The following USP5 variants were observed in gnomAD, a reference collection of about 807,000 sequenced individuals.
USP5 encodes ubiquitin carboxyl-terminal hydrolase 5.
Under a neutral mutation model 102.5 loss-of-function variants are expected in USP5, and 24 were observed. That is an observed-to-expected ratio of 0.23 (90% CI 0.17 to 0.33). The LOEUF is 0.33. Among genes scored for constraint, USP5 ranks in the 10% least tolerant of loss-of-function variants. The pLI is 1.00. For missense variants in USP5, 753 were observed against 1,122.1 expected (o/e 0.67, Z 4.70); for synonymous variants, 460 against 434.8 (o/e 1.06, Z -0.72).
intron 14 of USP5, among the ~76,000 whole-genome samples, chr12:6,862,882 T>C (rs1944319289): frequency 6.6e-6 from 1 of 152,242 alleles, no homozygotes; most frequent in African/African-American, 2.4e-5. Context: ...ACTCGTGATG[T>C]ACCTTCATTT....
Position 6,855,707 on chromosome 12 carries a change from C to T in USP5, c.238-48C>T. ...CTTCCGTCCCTCCTCCCGACTTGTT[C>T]CTTCGCTCGTGCTCATTGCTGATCC... On this transcript the variant is annotated intron_variant, in intron 2 of 19. Transcript: ENST00000229268. The surrounding 1 kb of genome is among the most constrained non-coding windows in gnomAD (Gnocchi z 4.6). 1 of 1,611,964 alleles carries T rather than the reference C, an allele frequency of 6.2e-7. No homozygotes were observed. Among genetic ancestry groups the T allele is most frequent in the East Asian group, 2.2e-5 (1 of 44,868 alleles).
chr12:6,859,645 TTTTTGTTTTG>T, intron 9 of USP5, 104 bp downstream of exon 9: 1 of 1,202,418 alleles, frequency 8.3e-7, no homozygotes, highest in Admixed American at 1.8e-5. Context: ...CCCTGGCCTT[TTTTTGTTTTG>T]TTTTGTTTTG....
At position 6,855,747 on chromosome 12, in the gene USP5, C is replaced by A. The variant is rs1555128033; in HGVS notation, c.238-8C>A. 3 of 1,614,074 alleles carry A rather than the reference C, an allele frequency of 1.9e-6. No homozygotes were observed. The highest frequency in any genetic ancestry group is 1.7e-6 in the Non-Finnish European group (2 of 1,180,024). On this transcript the variant is annotated splice_region_variant and splice_polypyrimidine_tract_variant and intron_variant, in intron 2 of 19. Coordinates refer to ENST00000229268, the MANE Select transcript of USP5 (RefSeq NM_001098536.2). This position sits in a 1 kb window ranked among gnomAD's most constrained non-coding sequence, Gnocchi z 4.6. Reference sequence around the variant, plus strand: ...ATTGCTGATCCAGCCCTTCCTGCTTCTTTACAGAAAGAGGAGGACCCTGCT... The same window carrying A: ...ATTGCTGATCCAGCCCTTCCTGCTTATTTACAGAAAGAGGAGGACCCTGCT...
intron 19 of USP5, 27 bp downstream of exon 19, chr12:6,865,275 A>G (rs1170864773): frequency 1.9e-6 from 3 of 1,598,780 alleles, no homozygotes; most frequent in East Asian, 2.2e-5. Context: ...TGCGTTTTGA[A>G]TGGAGAATGG....
At chr12:6,859,349 C>A in intron 8 of USP5, 121 bp from the exon 9 acceptor site, 1 of 950,210 alleles carries the variant, frequency 1.1e-6, no homozygotes, top group Non-Finnish European at 1.6e-6. Flanking sequence ...CAAGGTTCAC[C>A]CACAGCAACT....
rs782324656 is a variant in USP5 at position 6,856,387 on chromosome 12, G to C, written c.521G>C (p.Arg174Pro). The change falls in exon 5 of 20, where the codon CGG (arginine) becomes CCG (proline). Residue 174 changes from arginine (R) to proline (P), a missense_variant. This residue lies in a region of USP5 where 527 missense variants were observed against 816.5 expected (regional missense o/e 0.65). Transcript: ENST00000229268. The surrounding 1 kb of genome is among the most constrained non-coding windows in gnomAD (Gnocchi z 5.6). ...QEVQAWDGEVRQVSKHAFSLK... is the reference protein window; with the variant it reads ...QEVQAWDGEVPQVSKHAFSLK... ...GTGCAGGCATGGGATGGGGAAGTAC[G>C]GCAGGTGTCTAAGCATGCCTTCAGC... 1.2e-6 allele frequency: 2 copies of C among 1,613,972 alleles called. No individual in the cohort carries two copies. The highest frequency in any genetic ancestry group is 1.7e-6 in the Non-Finnish European group (2 of 1,179,990).
At chr12:6,854,591 T>TAAAAAAAAAAAAA (rs782820849) in intron 1 of USP5, among the ~76,000 whole-genome samples, 1 of 118,464 alleles carries the variant, frequency 8.4e-6, no homozygotes. Flanking sequence ...ACCCCACCTC[T>TAAAAAAAAAAAAA]AAAAAAAAAA....
Position 6,866,218 on chromosome 12 carries a change from G to C in USP5, c.*141G>C. ...GGCAGCAGGGAAGAAGCTGGAGGCC[G>C]TGGGAGAATGGCTGGGCAGAGCAGA... On this transcript the variant is annotated 3_prime_UTR_variant, in exon 20 of 20. Transcript: ENST00000229268. This position sits in a 1 kb window ranked among gnomAD's most constrained non-coding sequence, Gnocchi z 4.7. 1.3e-6 allele frequency: 1 copy of C among 743,822 alleles called. No individual in the cohort carries two copies. 46.1% of individuals were successfully genotyped at this position (743,822 alleles called of 1,614,324 possible).
chr12:6,866,283 C>T lies in USP5; in HGVS notation c.*206C>T, dbSNP rs1343356069. On this transcript the variant is annotated 3_prime_UTR_variant, in exon 20 of 20. Transcript: ENST00000229268. The surrounding 1 kb of genome is among the most constrained non-coding windows in gnomAD (Gnocchi z 4.7). Reference sequence around the variant, plus strand: ...CTCTGGGGATGGAGCAGGACGGGGACGGGAGGGGCCGGCCACCTGTCTGTA... The same window carrying T: ...CTCTGGGGATGGAGCAGGACGGGGATGGGAGGGGCCGGCCACCTGTCTGTA... The T allele has an allele frequency of 7.2e-6, 4 of 552,648 alleles. No homozygotes were observed. The highest frequency in any genetic ancestry group is 3.8e-5 in the African/African-American group (2 of 53,156). The allele number at this position is 552,648 out of a possible 1,614,324, so 34.2% of individuals were successfully genotyped here.
rs368011648 is a variant in USP5 at position 6,852,296 on chromosome 12, C to T, written c.111+6C>T. On this transcript the variant is annotated splice_donor_region_variant and intron_variant, in intron 1 of 19. Transcript: ENST00000229268. ...CCTTCTCCTTCGACACGCCGGTAAG[C>T]CCATTCCCCACGCCCGCAACGAGCA... is the stretch of plus-strand genomic sequence containing the variant. 6.5e-5 allele frequency: 105 copies of T among 1,603,810 alleles called. No individual in the cohort carries two copies. Among genetic ancestry groups the T allele is most frequent in the Admixed American group, 3.4e-5 (2 of 58,316 alleles).
Position 6,863,890 on chromosome 12 carries a change from C to T in USP5, c.2015C>T (p.Ala672Val). The T allele has an allele frequency of 1.2e-6, 2 of 1,612,390 alleles. No individual in the cohort carries two copies. Among genetic ancestry groups the T allele is most frequent in the Non-Finnish European group, 1.7e-6 (2 of 1,178,920 alleles). The change falls in exon 16 of 20, where the codon GCC (alanine) becomes GTC (valine). Residue 672 changes from alanine to valine, a missense_variant. Coordinates refer to ENST00000229268, the MANE Select transcript of USP5 (RefSeq NM_001098536.2). This position sits in a 1 kb window ranked among gnomAD's most constrained non-coding sequence, Gnocchi z 4.7. ...GTGGAGATGGGATTCCCTATGGACG[C>T]CTGCCGCAAAGCTGTCTACTACACG... ...QLVEMGFPMD[A>V]CRKAVYYTGN...
Position 6,856,163 on chromosome 12 carries a change from C to G in USP5, c.438+13C>G, listed in dbSNP as rs782097739. ...TGTCAGAGATCGGGTATGACTGCCC[C>G]CTATGCTACCCAAGATTCTAGAGCA... On this transcript the variant is annotated intron_variant, in intron 4 of 19. Coordinates refer to ENST00000229268, the MANE Select transcript of USP5 (RefSeq NM_001098536.2). This position sits in a 1 kb window ranked among gnomAD's most constrained non-coding sequence, Gnocchi z 5.6. 4 of 1,613,760 alleles carry G rather than the reference C, an allele frequency of 2.5e-6. No homozygotes were observed. The highest frequency in any genetic ancestry group is 1.6e-4 in the Middle Eastern group (1 of 6,084).
At chr12:6,865,617 T>G (rs180780091) in intron 19 of USP5, among the ~76,000 whole-genome samples, 1 of 152,298 alleles carries the variant, frequency 6.6e-6, no homozygotes, top group East Asian at 1.9e-4. Flanking sequence ...CACTTGTTTA[T>G]GTGTTGTTTG....
In USP5 at chr12:6,864,182, C is replaced by G; in HGVS notation, c.2231C>G (p.Ala744Gly). 2 of 1,608,964 alleles carry G rather than the reference C, an allele frequency of 1.2e-6. No homozygotes were observed. The highest frequency in any genetic ancestry group is 1.7e-6 in the Non-Finnish European group (2 of 1,177,232). ...MGFSRDQALK[A>G]LRATNNSLER... ...TTCTCCCGGGACCAGGCCTTGAAAG[C>G]GCTGCGGGCCACGGTATGGGCTGCC... The change falls in exon 17 of 20, where the codon GCG (alanine) becomes GGG (glycine). Residue 744 changes from alanine to glycine, a missense_variant. Around this residue, in one of 3 missense-constraint regions of USP5, gnomAD observed 193 missense variants for 230.2 expected, o/e 0.84. Coordinates refer to ENST00000229268, the MANE Select transcript of USP5 (RefSeq NM_001098536.2). This position sits in a 1 kb window ranked among gnomAD's most constrained non-coding sequence, Gnocchi z 4.8.
At position 6,860,879 on chromosome 12, in the gene USP5, T is replaced by C; in HGVS notation, c.1345-74T>C. 1.3e-6 allele frequency: 2 copies of C among 1,579,780 alleles called. No individual in the cohort carries two copies. The highest frequency in any genetic ancestry group is 1.4e-5 in the African/African-American group (1 of 73,768). On this transcript the variant is annotated intron_variant, in intron 11 of 19. Coordinates refer to ENST00000229268, the MANE Select transcript of USP5 (RefSeq NM_001098536.2). This position sits in a 1 kb window ranked among gnomAD's most constrained non-coding sequence, Gnocchi z 5.5. ...TGGTAGTCTGCCTTCTCTCCCTGAC[T>C]CTCCCATGAACCTTTCAGGCCCCAT... is the stretch of plus-strand genomic sequence containing the variant.
rs1944175208 is a variant in USP5, at chr12:6,858,199, C to G, written c.865-225C>G. Among the ~76,000 whole-genome samples, 1 of 152,122 alleles carries G rather than the reference C, an allele frequency of 6.6e-6. No homozygotes were observed. Among genetic ancestry groups the G allele is most frequent in the African/African-American group, 2.4e-5 (1 of 41,416 alleles). ...ATTTCAGGTAGAAGGAAATTTTATT[C>G]CTCATTCAAGCAGAGGCCCTGATGA... On this transcript the variant is annotated intron_variant, in intron 7 of 19. Transcript: ENST00000229268. This position sits in a 1 kb window ranked among gnomAD's most constrained non-coding sequence, Gnocchi z 4.2.
At position 6,863,832 on chromosome 12, in the gene USP5, C is replaced by T; in HGVS notation, c.1957C>T (p.Pro653Ser). The change falls in exon 16 of 20, where the codon CCC becomes TCC. Residue 653 changes from proline (P) to serine (S), a missense_variant and splice_region_variant. By Grantham distance (74) the Pro-to-Ser change is moderately conservative. Transcript: ENST00000229268. This position sits in a 1 kb window ranked among gnomAD's most constrained non-coding sequence, Gnocchi z 4.7. ...CSPHFSSPTS[P>S]MLDESVIIQL... ...TGTACCCACAATTCCCATTACAGCG[C>T]CCATGCTGGATGAATCAGTCATCAT... 1 of 1,580,132 alleles carries T rather than the reference C, an allele frequency of 6.3e-7. No homozygotes were observed. Among genetic ancestry groups the T allele is most frequent in the Non-Finnish European group, 8.6e-7 (1 of 1,161,412 alleles).
Position 6,864,730 on chromosome 12 carries a change from T to A in USP5, c.2253T>A (p.Ser751Arg). ...CTTCCTTCCTCTCCAAGAACAATAG[T>A]TTAGAACGGGCTGTGGACTGGATCT... Reference protein sequence around the residue: ...ALKALRATNNSLERAVDWIFS... With the variant: ...ALKALRATNNRLERAVDWIFS... The change falls in exon 18 of 20, where the codon AGT becomes AGA. Residue 751 changes from serine (S) to arginine (R), a missense_variant. Ser to Arg is a moderately radical substitution (Grantham distance 110). This residue lies in a region of USP5 where 193 missense variants were observed against 230.2 expected (regional missense o/e 0.84). Transcript: ENST00000229268. This position sits in a 1 kb window ranked among gnomAD's most constrained non-coding sequence, Gnocchi z 4.8. 1 of 1,609,600 alleles carries A rather than the reference T, an allele frequency of 6.2e-7. No homozygotes were observed. The highest frequency in any genetic ancestry group is 8.5e-7 in the Non-Finnish European group (1 of 1,179,914).
chr12:6,858,387 G>A lies in USP5; in HGVS notation c.865-37G>A. Reference sequence around the variant, plus strand: ...ATCGAGGTAAAAACTACAGGGTTGAGTTTCTCACTCAGTCTGAAGTGCCCC... The same window carrying A: ...ATCGAGGTAAAAACTACAGGGTTGAATTTCTCACTCAGTCTGAAGTGCCCC... On this transcript the variant is annotated intron_variant, in intron 7 of 19. Transcript: ENST00000229268. The surrounding 1 kb of genome is among the most constrained non-coding windows in gnomAD (Gnocchi z 4.2). The A allele has an allele frequency of 3.2e-6, 5 of 1,583,480 alleles. No homozygotes were observed. Among genetic ancestry groups the A allele is most frequent in the Non-Finnish European group, 4.3e-6 (5 of 1,154,684 alleles).
Sources: allele counts gnomAD v4.1 joint callset (sites outside exome capture counted in the v4.1 genomes callset), GRCh38; gene constraint gnomAD v4.1.1; regional missense constraint gnomAD v4.1.1; non-coding constraint Gnocchi (gnomAD v3.1); transcripts MANE v1.5; gene names NCBI Gene and HGNC (gene_info 2026-07-23, HGNC 2026-07-21).